Variants in ZFAT observed in about 807,000 individuals in gnomAD.
ZFAT encodes the protein zinc finger and AT-hook domain containing, also known as zinc finger protein ZFAT.
A neutral mutation model predicts 117.7 loss-of-function variants in ZFAT; 64 were observed. The observed-to-expected ratio is 0.54, with a 90% confidence interval of 0.44 to 0.67. ZFAT has a LOEUF of 0.67. ZFAT is among the 30% of genes least tolerant of loss of function. The probability of loss-of-function intolerance (pLI) is 0.00; values close to 1 mark genes in which losing one functional copy is unlikely to be tolerated. For missense variants in ZFAT, 1,433 were observed against 1,584.5 expected (o/e 0.90, Z 1.62); for synonymous variants, 679 against 615.0 (o/e 1.10, Z -1.54).
intron 10 of ZFAT, among the ~76,000 whole-genome samples, chr8:134,576,530 G>T (rs1825310447): frequency 6.6e-6 from 1 of 152,222 alleles, no homozygotes; most frequent in Non-Finnish European, 1.5e-5. Flanking sequence ...TCTCACTGAA[G>T]TCTCGCAAGT....
chr8:134,529,276 AT>A (rs2130537220), intron 12 of ZFAT, among the ~76,000 whole-genome samples: 1 of 152,276 alleles, frequency 6.6e-6, no homozygotes, highest in African/African-American at 2.4e-5. Context: ...TGAGCAAAAG[AT>A]TCATAAAGCT....
chr8:134,760,962 G>A, the ZFAT span, among the ~76,000 whole-genome samples: 1 of 152,156 alleles, frequency 6.6e-6, no homozygotes, highest in Non-Finnish European at 1.5e-5. Context: ...TTAAAGGATG[G>A]TTAGGATTTT....
At chr8:134,494,851 G>C (rs1403935030) in intron 15 of ZFAT, among the ~76,000 whole-genome samples, 4 of 152,176 alleles carry the variant, frequency 2.6e-5, no homozygotes, top group Non-Finnish European at 5.9e-5. Context: ...ATCTCTTCTT[G>C]TTTTGAGCAC....
At chr8:134,681,931 A>G (rs759306856) in intron 1 of ZFAT, among the ~76,000 whole-genome samples, 9 of 152,220 alleles carry the variant, frequency 5.9e-5, no homozygotes, top group Admixed American at 4.6e-4. Flanking sequence ...TATCTTTTTT[A>G]TATATTCAGG....
chr8:134,578,389 C>A (rs557013223), intron 10 of ZFAT, among the ~76,000 whole-genome samples: 74 of 128,260 alleles, frequency 5.8e-4, no homozygotes, highest in Admixed American at 3.5e-3. Flanking sequence ...CCAGCCTGGG[C>A]GACAAGAGCG....
chr8:134,551,384 G>A (rs1235224519), intron 11 of ZFAT, among the ~76,000 whole-genome samples: 3 of 152,278 alleles, frequency 2.0e-5, no homozygotes, highest in South Asian at 4.1e-4. Context: ...AAACACCTGC[G>A]TAATGCCAAG....
In ZFAT at chr8:134,583,975, T is replaced by C; in HGVS notation, c.2744A>G (p.Glu915Gly). ...GVKPFKCSLC[E>G]YATRSKSNLK... Reference sequence around the variant, plus strand: ...GTTACTCTTGCTACGAGTTGCATACTCACACAAAGAACACTTGAAGGGCTT... The same window carrying C: ...GTTACTCTTGCTACGAGTTGCATACCCACACAAAGAACACTTGAAGGGCTT... Residue 915 changes from glutamate to glycine, a missense_variant, in exon 10 of 16, where the codon GAG becomes GGG. Coordinates refer to ENST00000377838, the MANE Select transcript of ZFAT (RefSeq NM_020863.4). 1 of 1,562,896 alleles carries C rather than the reference T, an allele frequency of 6.4e-7. No individual in the cohort carries two copies. Among genetic ancestry groups the C allele is most frequent in the Non-Finnish European group, 8.7e-7 (1 of 1,152,280 alleles).
chr8:134,495,237 C>T (rs1818346186), intron 15 of ZFAT, among the ~76,000 whole-genome samples: 1 of 152,158 alleles, frequency 6.6e-6, no homozygotes, highest in African/African-American at 2.4e-5. Context: ...AGGGAGCCAG[C>T]ATGGTTAGGT....
chr8:134,742,043 A>C, the ZFAT span, among the ~76,000 whole-genome samples: 1 of 151,802 alleles, frequency 6.6e-6, no homozygotes, highest in Non-Finnish European at 1.5e-5. Flanking sequence ...GCCCTAACCA[A>C]GCTCTCTCTG....
the ZFAT span, among the ~76,000 whole-genome samples, chr8:134,751,967 C>A: frequency 2.6e-5 from 4 of 152,180 alleles, no homozygotes; most frequent in Non-Finnish European, 5.9e-5. Context: ...AGACTTAGTA[C>A]ATGTTTGTTG....
At chr8:134,827,497 C>T in the ZFAT span, among the ~76,000 whole-genome samples, 10 of 152,082 alleles carry the variant, frequency 6.6e-5, no homozygotes, top group East Asian at 9.7e-4. Context: ...TGGCTGGGCA[C>T]GGGCTAACAC....
rs183778798 is a variant in ZFAT at position 134,605,602 on chromosome 8, A to G, written c.786-2669T>C. Among the ~76,000 whole-genome samples, 5 of 152,148 alleles carry G rather than the reference A, an allele frequency of 3.3e-5. No individual in the cohort carries two copies. The East Asian group carries it at 9.6e-4, about 29-fold the overall frequency. ...ATCCAGCAGAACTTTAAGAGGTCCT[A>G]CTCCTTAATCCAGTTATTCCACTTA... On this transcript the variant is annotated intron_variant, in intron 5 of 15. Coordinates refer to ENST00000377838, the MANE Select transcript of ZFAT (RefSeq NM_020863.4).
the ZFAT span, among the ~76,000 whole-genome samples, chr8:134,741,993 G>A: frequency 6.6e-6 from 1 of 151,934 alleles, no homozygotes; most frequent in African/African-American, 2.4e-5. Flanking sequence ...CCACTCCTGA[G>A]AACTGTGCCT....
the ZFAT span, chr8:134,784,451 C>T: frequency 6.6e-6 from 1 of 152,008 alleles, no homozygotes; most frequent in Non-Finnish European, 1.5e-5. Context: ...GTCTCTAATG[C>T]TAATCACTAG....
At chr8:134,616,240 G>A (rs530279438) in intron 3 of ZFAT, among the ~76,000 whole-genome samples, 49 of 152,322 alleles carry the variant, frequency 3.2e-4, no homozygotes, top group African/African-American at 1.0e-3. Flanking sequence ...CTGGTGTGTC[G>A]TAGATGCTCA....
chr8:134,572,599 A>G lies in ZFAT; in HGVS notation c.2888-7178T>C, dbSNP rs184792744. Among the ~76,000 whole-genome samples, 12 of 152,360 alleles carry G rather than the reference A, an allele frequency of 7.9e-5. No homozygotes were observed. In the East Asian group the frequency reaches 2.3e-3, roughly 29 times the overall value. ...TCCCTCTTCTTCACAAAAAAGAGCCAGTGGCCTAATTGTGCGAATAATCTC... is the reference window on the plus strand; with the variant it reads ...TCCCTCTTCTTCACAAAAAAGAGCCGGTGGCCTAATTGTGCGAATAATCTC... On this transcript the variant is annotated intron_variant, in intron 10 of 15. Coordinates refer to ENST00000377838, the MANE Select transcript of ZFAT (RefSeq NM_020863.4).
the ZFAT span, among the ~76,000 whole-genome samples, chr8:134,776,877 G>A: frequency 2.0e-5 from 3 of 152,214 alleles, no homozygotes; most frequent in Admixed American, 2.0e-4. Context: ...GATATGGAGA[G>A]GCTTTTGTGT....
chr8:134,492,272 C>T lies in ZFAT; in HGVS notation c.3493-13551G>A, dbSNP rs372589665. Among the ~76,000 whole-genome samples, 75 of 152,258 alleles carry T rather than the reference C, an allele frequency of 4.9e-4. No individual in the cohort carries two copies. In the Middle Eastern group the frequency reaches 0.01, roughly 21 times the overall value. ...CTTCCTCTCCTGTTGTTCTCATTAC[C>T]ATCTGATTCACTCATGTCTTGTTTC... On this transcript the variant is annotated intron_variant, in intron 15 of 15. Coordinates refer to ENST00000377838, the MANE Select transcript of ZFAT (RefSeq NM_020863.4).
chr8:134,725,123 AT>A, the ZFAT span, among the ~76,000 whole-genome samples: 13 of 152,138 alleles, frequency 8.5e-5, no homozygotes, highest in Non-Finnish European at 1.6e-4. Context: ...AACCCTGCAG[AT>A]TAAGGCTACC....
Sources: gnomAD v4.1 joint callset for allele counts (sites outside exome capture counted in the v4.1 genomes callset) on GRCh38, gnomAD v4.1.1 for gene constraint, MANE v1.5 for transcripts, NCBI Gene and HGNC (gene_info 2026-07-23, HGNC 2026-07-21) for gene names.